The following LFNG variants were observed in gnomAD, a reference collection of about 807,000 sequenced individuals.
LFNG encodes beta-1,3-N-acetylglucosaminyltransferase lunatic fringe.
In LFNG, 15 loss-of-function variants were observed where a neutral mutation model predicts 32.7. The ratio of observed to expected loss-of-function variants is 0.46; its 90% CI spans 0.31 to 0.71. The LOEUF (loss-of-function observed/expected upper bound fraction) is 0.71. Among genes scored for constraint, LFNG ranks in the 30% least tolerant of loss-of-function variants. The pLI, the probability that LFNG is intolerant of heterozygous loss-of-function variation, is 0.06. For missense variants in LFNG, 520 were observed against 545.7 expected (o/e 0.95, Z 0.47); for synonymous variants, 274 against 246.8 (o/e 1.11, Z -1.03).
chr7:2,521,158 C>T (rs905645167), intron 1 of LFNG, among the ~76,000 whole-genome samples: 7 of 150,470 alleles, frequency 4.7e-5, no homozygotes, highest in Non-Finnish European at 5.9e-5. Flanking sequence ...TCTGACCTGG[C>T]GCTGTCCTGT....
downstream of LFNG, chr7:2,528,487 C>T: frequency 1.1e-6 from 1 of 936,142 alleles, no homozygotes; most frequent in African/African-American, 1.8e-5. Flanking sequence ...CAGCCAGGGT[C>T]AGGAGAGGCA....
rs1022178791 is a variant in LFNG at position 2,527,770 on chromosome 7, G to A, written c.*558G>A. The A allele has an allele frequency of 2.5e-5, 25 of 1,009,070 alleles. No homozygotes were observed. The highest frequency in any genetic ancestry group is 2.8e-5 in the Non-Finnish European group (24 of 842,678). The allele number at this position is 1,009,070 out of a possible 1,614,324, so 62.5% of individuals were successfully genotyped here. A position where few individuals can be genotyped will look rare whatever the true frequency, so the allele number is the denominator to read the frequency against. ...ACGCTGTGGCTTAAGAGTAACAGCAGCCACCGCCCAGTTCCAGTGGCCCCA... is the reference window on the plus strand; with the variant it reads ...ACGCTGTGGCTTAAGAGTAACAGCAACCACCGCCCAGTTCCAGTGGCCCCA... On this transcript the variant is annotated 3_prime_UTR_variant, in exon 8 of 8. Coordinates refer to ENST00000222725, the MANE Select transcript of LFNG (RefSeq NM_001040167.2). This position sits in a 1 kb window ranked among gnomAD's most constrained non-coding sequence, Gnocchi z 4.4.
chr7:2,517,428 C>T (rs997591175), upstream of LFNG, among the ~76,000 whole-genome samples: 1 of 152,054 alleles, frequency 6.6e-6, no homozygotes, highest in Non-Finnish European at 1.5e-5. Context: ...ATGCATGTGC[C>T]CCTGCCAGGC....
In LFNG at chr7:2,524,676, G is replaced by T. The variant is rs985187480; in HGVS notation, c.433-19G>T. ...GGGGATGAAGGGCTGCCTGCTGAAG[G>T]CCGATTTTCTCCTTCCAGACGTTCA... On this transcript the variant is annotated intron_variant, in intron 1 of 7. Transcript: ENST00000222725. 2.5e-6 allele frequency: 4 copies of T among 1,575,382 alleles called. No individual in the cohort carries two copies. In the South Asian group the frequency reaches 3.5e-5, roughly 14 times the overall value.
At chr7:2,513,240 G>A (rs577660830), upstream of LFNG, 64 of 1,594,116 alleles carry the variant, frequency 4.0e-5, no homozygotes, top group Admixed American at 6.8e-4. Context: ...TGGACGGACA[G>A]ATGGACAGAT....
rs532692599 is a variant in LFNG, at chr7:2,527,612, G to T, written c.*400G>T. ...TCTCTTCCTGCTGACCACAAGCTCT[G>T]TGCTGGGGGTACCTGTGCCCTGAAG... On this transcript the variant is annotated 3_prime_UTR_variant, in exon 8 of 8. Coordinates refer to ENST00000222725, the MANE Select transcript of LFNG (RefSeq NM_001040167.2). This position sits in a 1 kb window ranked among gnomAD's most constrained non-coding sequence, Gnocchi z 4.4. 5.1e-4 allele frequency: 602 copies of T among 1,181,234 alleles called. No homozygotes were observed. Among genetic ancestry groups the T allele is most frequent in the African/African-American group, 2.8e-3 (173 of 62,840 alleles). The allele number at this position is 1,181,234 out of a possible 1,614,324, so 73.2% of individuals were successfully genotyped here. A position where few individuals can be genotyped will look rare whatever the true frequency, so the allele number is the denominator to read the frequency against.
downstream of LFNG, chr7:2,528,469 C>T: frequency 3.0e-6 from 3 of 988,346 alleles, no homozygotes; most frequent in Non-Finnish European, 3.6e-6. Flanking sequence ...GGGGCCTAAG[C>T]CCCAGGGCAG....
upstream of LFNG, among the ~76,000 whole-genome samples, chr7:2,517,420 G>T (rs1038871003): frequency 6.6e-6 from 1 of 152,060 alleles, no homozygotes; most frequent in Admixed American, 6.5e-5. Flanking sequence ...CCAGTTCTAT[G>T]CATGTGCCCC....
At position 2,527,598 on chromosome 7, in the gene LFNG, T is replaced by C; in HGVS notation, c.*386T>C. The C allele has an allele frequency of 8.4e-7, 1 of 1,192,068 alleles. No homozygotes were observed. The highest frequency in any genetic ancestry group is 1.1e-6 in the Non-Finnish European group (1 of 946,766). The allele number at this position is 1,192,068 out of a possible 1,614,324, so 73.8% of individuals were successfully genotyped here. Reference sequence around the variant, plus strand: ...TGCGTAGGTGCCTTTCTCTTCCTGCTGACCACAAGCTCTGTGCTGGGGGTA... The same window carrying C: ...TGCGTAGGTGCCTTTCTCTTCCTGCCGACCACAAGCTCTGTGCTGGGGGTA... On this transcript the variant is annotated 3_prime_UTR_variant, in exon 8 of 8. Coordinates refer to ENST00000222725, the MANE Select transcript of LFNG (RefSeq NM_001040167.2). This position sits in a 1 kb window ranked among gnomAD's most constrained non-coding sequence, Gnocchi z 4.4.
chr7:2,525,548 G>C lies in LFNG; in HGVS notation c.716G>C (p.Arg239Pro). 6.2e-7 allele frequency: 1 copy of C among 1,612,366 alleles called. No homozygotes were observed. The highest frequency in any genetic ancestry group is 2.2e-5 in the East Asian group (1 of 44,854). Residue 239 changes from arginine (R) to proline (P), a missense_variant, in exon 4 of 8, where the codon CGG becomes CCG. Around this residue, in one of 3 missense-constraint regions of LFNG, gnomAD observed 360 missense variants for 354.7 expected, o/e 1.01. Transcript: ENST00000222725. ...SLDRPIQAME[R>P]VSENKVRPVH... ...GACAGGCCCATCCAGGCCATGGAGCGGGTCAGCGAGAACAAGGTGGTGAGT... is the reference window on the plus strand; with the variant it reads ...GACAGGCCCATCCAGGCCATGGAGCCGGTCAGCGAGAACAAGGTGGTGAGT...
upstream of LFNG, among the ~76,000 whole-genome samples, chr7:2,513,560 C>T (rs992759283): frequency 1.3e-5 from 2 of 152,306 alleles, no homozygotes; most frequent in Middle Eastern, 3.4e-3. Context: ...GCCTGGAGCC[C>T]CTCCTCCCAC....
chr7:2,516,649 G>A (rs1779634627), upstream of LFNG, among the ~76,000 whole-genome samples: 1 of 152,188 alleles, frequency 6.6e-6, no homozygotes, highest in Admixed American at 6.5e-5. Context: ...TGGCTCCGTG[G>A]GCCTGCTTTC....
At chr7:2,528,745 G>A, downstream of LFNG, 1 of 625,998 alleles carries the variant, frequency 1.6e-6, no homozygotes, top group Non-Finnish European at 2.9e-6. Flanking sequence ...CTCTGGCCTG[G>A]TCTGGCCACT....
intron 1 of LFNG, among the ~76,000 whole-genome samples, chr7:2,521,104 C>G (rs1312535104): frequency 6.6e-6 from 1 of 152,106 alleles, no homozygotes; most frequent in Non-Finnish European, 1.5e-5. Flanking sequence ...AGGGAAGACC[C>G]TGCACGCCTT....
chr7:2,528,450 G>GCCC (rs1486776176), downstream of LFNG: 50 of 993,424 alleles, frequency 5.0e-5, no homozygotes, highest in Non-Finnish European at 6.0e-5. Flanking sequence ...CCTGGTCTTG[G>GCCC]CTGGAGGTGG....
At chr7:2,517,985 A>C (rs77264358), upstream of LFNG, 4,480 of 1,000,742 alleles carry the variant, frequency 4.5e-3, 160 homozygotes, top group African/African-American at 0.071. Context: ...AGGCTGCCCA[A>C]GTGATTCAGG....
chr7:2,517,877 T>C, upstream of LFNG: 1 of 1,183,744 alleles, frequency 8.4e-7, no homozygotes, highest in East Asian at 6.5e-5. Context: ...GGTTTTGCTC[T>C]TTGTGTGGGT....
In LFNG at chr7:2,526,712, GT is replaced by G; in HGVS notation, c.988-123del. On this transcript the variant is annotated intron_variant, in intron 6 of 7. Coordinates refer to ENST00000222725, the MANE Select transcript of LFNG (RefSeq NM_001040167.2). The surrounding 1 kb of genome is among the most constrained non-coding windows in gnomAD (Gnocchi z 6.9). ...TATTCCTGGGGTGTGCAGGGCAGGTGTCCTTCCAGGTCCAAGGGAGGCCAGG... is the reference window on the plus strand; with the variant it reads ...TATTCCTGGGGTGTGCAGGGCAGGTGCCTTCCAGGTCCAAGGGAGGCCAGG... 1.1e-6 allele frequency: 1 copy of G among 889,132 alleles called. No individual in the cohort carries two copies. The highest frequency in any genetic ancestry group is 1.4e-5 in the South Asian group (1 of 71,310). 55.1% of individuals were successfully genotyped at this position (889,132 alleles called of 1,614,324 possible). A position where few individuals can be genotyped will look rare whatever the true frequency, so the allele number is the denominator to read the frequency against.
upstream of LFNG, among the ~76,000 whole-genome samples, chr7:2,515,819 G>T (rs558796744): frequency 9.2e-5 from 14 of 152,350 alleles, no homozygotes; most frequent in African/African-American, 3.4e-4. Flanking sequence ...AATGGTGGGG[G>T]TGCTACTCAC....
Sources: allele counts gnomAD v4.1 joint callset (sites outside exome capture counted in the v4.1 genomes callset), GRCh38; gene constraint gnomAD v4.1.1; regional missense constraint gnomAD v4.1.1; non-coding constraint Gnocchi (gnomAD v3.1); transcripts MANE v1.5; gene names NCBI Gene and HGNC (gene_info 2026-07-23, HGNC 2026-07-21).